The following C2orf42 variants were observed in gnomAD, a reference collection of about 807,000 sequenced individuals.
C2orf42 encodes uncharacterized protein C2orf42.
C2orf42 carries 44 observed loss-of-function variants against 58.9 expected under a neutral mutation model. That is an observed-to-expected ratio of 0.75 (90% CI 0.59 to 0.96). The LOEUF is 0.96. Among genes scored for constraint, C2orf42 ranks in the 40% least tolerant of loss-of-function variants. C2orf42 has a pLI of 0.00. For missense variants in C2orf42, 630 were observed against 699.2 expected, an observed-to-expected ratio of 0.90 and a Z score of 1.12; for synonymous variants, 239 against 265.4, an observed-to-expected ratio of 0.90 and a Z score of 0.97.
intron 8 of C2orf42, among the ~76,000 whole-genome samples, 186 bp downstream of exon 8, chr2:70,164,906 A>G (rs1028576600): frequency 1.3e-5 from 2 of 152,162 alleles, no homozygotes; most frequent in African/African-American, 4.8e-5. Flanking sequence ...TTTTCAAGCC[A>G]TAGGGAACAC....
chr2:70,181,421 A>C lies in C2orf42; in HGVS notation c.565T>G (p.Leu189Val), dbSNP rs373189922. The C allele has an allele frequency of 1.1e-5, 18 of 1,613,924 alleles. No individual in the cohort carries two copies. The highest frequency in any genetic ancestry group is 1.5e-5 in the Non-Finnish European group (18 of 1,180,002). Residue 189 changes from leucine (L) to valine (V), a missense_variant, in exon 3 of 10, where the codon TTG (leucine) becomes GTG (valine). Transcript: ENST00000264434. ...TGGCTTGCCTTGCATTTCACCACCA[A>C]GATGTTTTTAGTAATTCTCTGCACC... ...PLVQRITKNI[L>V]VVKCKASQKH...
At position 70,169,585 on chromosome 2, in the gene C2orf42, G is replaced by T. The variant is rs74835992; in HGVS notation, c.1116C>A (p.Ile372=). ...QDWLASVTER[I]HQTMHYQFDG... Reference sequence around the variant, plus strand: ...CAAACTGATAGTGCATGGTTTGATGGATGCGTTCTGTGACACTGGCCAGCC... The same window carrying T: ...CAAACTGATAGTGCATGGTTTGATGTATGCGTTCTGTGACACTGGCCAGCC... The change falls in exon 6 of 10, where the codon ATC becomes ATA. Residue 372 remains isoleucine (I), a synonymous_variant. Coordinates refer to ENST00000264434, the MANE Select transcript of C2orf42 (RefSeq NM_017880.3). 3.7e-5 allele frequency: 59 copies of T among 1,601,192 alleles called. 1 individual carries two copies. Among genetic ancestry groups the T allele is most frequent in the Non-Finnish European group, 1.7e-6 (2 of 1,168,484 alleles).
At chr2:70,185,211 G>C (rs973834965) in intron 1 of C2orf42, among the ~76,000 whole-genome samples, 4 of 152,032 alleles carry the variant, frequency 2.6e-5, no homozygotes, top group Admixed American at 6.6e-5. Context: ...GACTAGCCTG[G>C]CCAACATGGT....
chr2:70,160,519 G>C, intron 9 of C2orf42, 106 bp downstream of exon 9: 1 of 704,344 alleles, frequency 1.4e-6, no homozygotes, highest in South Asian at 2.3e-5. Context: ...CAAGGTGAAT[G>C]AATGTGTCTT....
intron 9 of C2orf42, among the ~76,000 whole-genome samples, chr2:70,158,809 T>C (rs1672866950): frequency 6.6e-6 from 1 of 151,952 alleles, no homozygotes; most frequent in Non-Finnish European, 1.5e-5. Context: ...GCCAGGCTGG[T>C]TGGAACTCCT....
At position 70,165,625 on chromosome 2, in the gene C2orf42, T is replaced by G. The variant is rs1673350481; in HGVS notation, c.1155A>C (p.Glu385Asp). Residue 385 changes from glutamate to aspartate, a missense_variant, in exon 7 of 10, where the codon GAA becomes GAC. Coordinates refer to ENST00000264434, the MANE Select transcript of C2orf42 (RefSeq NM_017880.3). Reference protein sequence around the residue: ...TMHYQFDGKPEPLVFHIPQSF... With the variant: ...TMHYQFDGKPDPLVFHIPQSF... The stretch of plus-strand genomic sequence containing the variant: ...ACTGAGGAATGTGGAACACCAATGG[T>G]TCTGGTTTGCCTATGGGAAACAAGA... The G allele has an allele frequency of 6.2e-7, 1 of 1,600,636 alleles. No individual in the cohort carries two copies. The highest frequency in any genetic ancestry group is 8.6e-7 in the Non-Finnish European group (1 of 1,167,830).
intron 7 of C2orf42, 110 bp downstream of exon 7, chr2:70,165,415 GAGT>G: frequency 1.5e-6 from 1 of 684,408 alleles, no homozygotes; most frequent in South Asian, 1.8e-5. Flanking sequence ...CCAGACATGT[GAGT>G]AGAAGTCCTA....
At chr2:70,173,260 G>A (rs953978491) in intron 5 of C2orf42, among the ~76,000 whole-genome samples, 3 of 146,410 alleles carry the variant, frequency 2.0e-5, no homozygotes, top group Non-Finnish European at 4.5e-5. Context: ...GCCTAAGTGC[G>A]TAAGTTCTTT....
intron 7 of C2orf42, 32 bp downstream of exon 7, chr2:70,165,496 A>C (rs1211680614): frequency 2.6e-6 from 3 of 1,138,858 alleles, no homozygotes; most frequent in Non-Finnish European, 4.0e-6. Context: ...TGTTCGAGAC[A>C]TCCATCACTA....
chr2:70,171,070 G>A (rs1673781869), intron 5 of C2orf42, among the ~76,000 whole-genome samples: 1 of 151,722 alleles, frequency 6.6e-6, no homozygotes, highest in Admixed American at 6.6e-5. Flanking sequence ...AGCCGAGATT[G>A]TGCCACTGCA....
chr2:70,152,747 T>C (rs982324418), intron 9 of C2orf42, among the ~76,000 whole-genome samples: 8 of 152,032 alleles, frequency 5.3e-5, no homozygotes, highest in African/African-American at 1.9e-4. Context: ...TTAAGGTGAA[T>C]AGCAGGGCCA....
intron 9 of C2orf42, among the ~76,000 whole-genome samples, chr2:70,156,807 A>G (rs1672705733): frequency 6.6e-6 from 1 of 151,466 alleles, no homozygotes; most frequent in Non-Finnish European, 1.5e-5. Flanking sequence ...GGCTGCAGTG[A>G]GCCGTGATTG....
chr2:70,156,793 T>A (rs1572969566), intron 9 of C2orf42, among the ~76,000 whole-genome samples: 1 of 151,146 alleles, frequency 6.6e-6, no homozygotes, highest in African/African-American at 2.4e-5. Context: ...GCCCAGGAGT[T>A]TGAGGCTGCA....
At chr2:70,185,718 A>T (rs1289229834) in intron 1 of C2orf42, among the ~76,000 whole-genome samples, 5 of 151,342 alleles carry the variant, frequency 3.3e-5, no homozygotes, top group African/African-American at 4.9e-5. Context: ...GTCACAAAAA[A>T]AAATATATAT....
At chr2:70,175,610 G>A in intron 5 of C2orf42, 63 bp downstream of exon 5, 1 of 946,690 alleles carries the variant, frequency 1.1e-6, no homozygotes, top group South Asian at 1.3e-5. Context: ...TGATTATACT[G>A]CTTCTGGCTT....
intron 6 of C2orf42, among the ~76,000 whole-genome samples, chr2:70,166,999 C>A (rs764377454): frequency 1.3e-5 from 2 of 152,130 alleles, no homozygotes; most frequent in African/African-American, 4.8e-5. Context: ...CAGCAAGCAT[C>A]TGTCTTTCTC....
chr2:70,161,569 G>A (rs1673051019), intron 8 of C2orf42, among the ~76,000 whole-genome samples: 1 of 152,098 alleles, frequency 6.6e-6, no homozygotes, highest in Non-Finnish European at 1.5e-5. Flanking sequence ...CGCTAGGAGT[G>A]GTGGCTCACG....
chr2:70,184,479 A>ATTT (rs771522645), intron 1 of C2orf42, among the ~76,000 whole-genome samples: 4 of 77,356 alleles, frequency 5.2e-5, no homozygotes, highest in Admixed American at 3.2e-4. Context: ...GCCTGGCCCT[A>ATTT]TTTTTTTTTT....
At chr2:70,177,913 G>A (rs1420036152) in intron 4 of C2orf42, among the ~76,000 whole-genome samples, 2 of 152,022 alleles carry the variant, frequency 1.3e-5, no homozygotes, top group East Asian at 3.9e-4. Context: ...GGTGGCTTGT[G>A]CCTGTAGTCC....
Sources: gnomAD v4.1 joint callset for allele counts (sites outside exome capture counted in the v4.1 genomes callset) on GRCh38, gnomAD v4.1.1 for gene constraint, MANE v1.5 for transcripts, NCBI Gene and HGNC (gene_info 2026-07-23, HGNC 2026-07-21) for gene names.